NKAIN2: variants seen among roughly 807,000 people sequenced by gnomAD.
The protein encoded by NKAIN2 is sodium/potassium transporting ATPase interacting 2.
NKAIN2 carries 14 observed loss-of-function variants against 32.6 expected under a neutral mutation model. The observed-to-expected ratio is 0.43, with a 90% CI of 0.28 to 0.67. NKAIN2 has a LOEUF of 0.67. Ranked by LOEUF, NKAIN2 falls within the 30% of genes least tolerant of loss-of-function variation. NKAIN2 has a pLI of 0.17. For synonymous variants in NKAIN2, 80 were observed against 87.2 expected (o/e 0.92, Z 0.46); for missense variants, 198 against 258.3 (o/e 0.77, Z 1.60).
intron 1 of NKAIN2, among the ~76,000 whole-genome samples, chr6:124,245,779 A>G (rs1793363930): frequency 6.6e-6 from 1 of 152,070 alleles, no homozygotes; most frequent in Non-Finnish European, 1.5e-5. Flanking sequence ...GTTATCTTTC[A>G]CATGCATCAC....
chr6:123,941,872 CT>C (rs199561062), intron 1 of NKAIN2, among the ~76,000 whole-genome samples: 1 of 151,688 alleles, frequency 6.6e-6, no homozygotes, highest in African/African-American at 2.4e-5. Context: ...TGTGCCACCT[CT>C]TTTTTTTACC....
chr6:124,695,030 C>CTCCACT (rs1340564456), intron 4 of NKAIN2, among the ~76,000 whole-genome samples: 2 of 152,060 alleles, frequency 1.3e-5, no homozygotes, highest in Non-Finnish European at 2.9e-5. Flanking sequence ...CTTAAACCAT[C>CTCCACT]TCCTCTTCCT....
At chr6:124,512,245 C>A (rs998276902) in intron 3 of NKAIN2, among the ~76,000 whole-genome samples, 4 of 152,128 alleles carry the variant, frequency 2.6e-5, no homozygotes, top group African/African-American at 9.7e-5. Flanking sequence ...CACAATGGCA[C>A]CCAAATACAC....
At chr6:123,843,345 GAAGATAAT>G (rs1774955310) in intron 1 of NKAIN2, among the ~76,000 whole-genome samples, 2 of 152,152 alleles carry the variant, frequency 1.3e-5, no homozygotes, top group African/African-American at 4.8e-5. Context: ...GATGGAGCAA[GAAGATAAT>G]CTTCCCCTGG....
intron 3 of NKAIN2, among the ~76,000 whole-genome samples, chr6:124,465,953 C>A (rs773358875): frequency 2.6e-5 from 4 of 151,886 alleles, no homozygotes; most frequent in Non-Finnish European, 5.9e-5. Flanking sequence ...ATATTTTATC[C>A]CCTTTCCACT....
At chr6:124,699,476 C>T (rs1281950466) in intron 4 of NKAIN2, among the ~76,000 whole-genome samples, 1 of 152,144 alleles carries the variant, frequency 6.6e-6, no homozygotes, top group African/African-American at 2.4e-5. Context: ...TTGTAATCCC[C>T]AGTGTTGGAG....
chr6:124,810,119 C>A (rs1010676584), intron 5 of NKAIN2, among the ~76,000 whole-genome samples: 1 of 152,056 alleles, frequency 6.6e-6, no homozygotes. Context: ...TTGACCCAGC[C>A]ATCCCATTAC....
At chr6:124,383,339 G>T (rs1475840042) in intron 3 of NKAIN2, among the ~76,000 whole-genome samples, 1 of 152,082 alleles carries the variant, frequency 6.6e-6, no homozygotes, top group African/African-American at 2.4e-5. Flanking sequence ...CTGGAAACAG[G>T]GTGATCTTTC....
At chr6:124,075,873 G>A (rs1783675296) in intron 1 of NKAIN2, among the ~76,000 whole-genome samples, 1 of 152,216 alleles carries the variant, frequency 6.6e-6, no homozygotes. Flanking sequence ...TGTGATTACA[G>A]GCATGAGCCA....
chr6:124,530,808 A>T, intron 3 of NKAIN2, among the ~76,000 whole-genome samples: 1 of 152,298 alleles, frequency 6.6e-6, no homozygotes, highest in East Asian at 1.9e-4. Context: ...TAATTTTTAG[A>T]GTCCAAAGCT....
At chr6:123,960,673 C>T (rs760697390) in intron 1 of NKAIN2, among the ~76,000 whole-genome samples, 124 of 151,654 alleles carry the variant, frequency 8.2e-4, no homozygotes, top group Non-Finnish European at 5.2e-4. Flanking sequence ...CAGGCACTAA[C>T]GTGTATTTAT....
intron 1 of NKAIN2, among the ~76,000 whole-genome samples, chr6:124,168,713 A>G (rs971999668): frequency 2.0e-5 from 3 of 152,120 alleles, no homozygotes; most frequent in Non-Finnish European, 4.4e-5. Flanking sequence ...CCAACATATT[A>G]TCTTGAAAGG....
chr6:124,452,001 C>T (rs62437469), intron 3 of NKAIN2, among the ~76,000 whole-genome samples: 6,926 of 152,004 alleles, frequency 0.046, 267 homozygotes, highest in Non-Finnish European at 0.066. Context: ...TTGAGACCAG[C>T]CTGGGAGGCA....
At chr6:124,321,026 G>C (rs1219853997) in intron 2 of NKAIN2, among the ~76,000 whole-genome samples, 1 of 152,128 alleles carries the variant, frequency 6.6e-6, no homozygotes, top group African/African-American at 2.4e-5. Context: ...CATCTCAAAG[G>C]CTGTAGCACC....
Position 124,314,027 on chromosome 6 carries a change from G to T in NKAIN2, c.192+30885G>T, listed in dbSNP as rs1220410009. 2.0e-5 allele frequency among the ~76,000 whole-genome samples: 3 copies of T among 152,216 alleles called. No homozygotes were observed. The East Asian group carries it at 5.8e-4, about 30-fold the overall frequency. On this transcript the variant is annotated intron_variant, in intron 2 of 6. Coordinates refer to ENST00000368417, the MANE Select transcript of NKAIN2 (RefSeq NM_001040214.3). ...GGAAAAGGGCACAAACTAGGTTAAG[G>T]CTGAAGGTCCACACCTTTCAGTTTT...
chr6:124,469,573 G>A (rs998709070), intron 3 of NKAIN2, among the ~76,000 whole-genome samples: 3 of 152,250 alleles, frequency 2.0e-5, no homozygotes, highest in Admixed American at 1.3e-4. Flanking sequence ...TTTTGCTAAT[G>A]TAAACAACAA....
chr6:124,814,014 G>C (rs1325712424), intron 5 of NKAIN2, among the ~76,000 whole-genome samples: 1 of 152,114 alleles, frequency 6.6e-6, no homozygotes, highest in Non-Finnish European at 1.5e-5. Flanking sequence ...GAAAAAGATG[G>C]TATTATGGGT....
chr6:124,336,962 C>A (rs1797903194), intron 2 of NKAIN2, among the ~76,000 whole-genome samples: 1 of 152,160 alleles, frequency 6.6e-6, no homozygotes, highest in Admixed American at 6.6e-5. Flanking sequence ...TGAGCCACAG[C>A]ACCTGGCCTG....
chr6:124,482,793 T>G (rs1777502258), intron 3 of NKAIN2, among the ~76,000 whole-genome samples: 1 of 152,204 alleles, frequency 6.6e-6, no homozygotes, highest in African/African-American at 2.4e-5. Flanking sequence ...TTCATGCTAT[T>G]TATTTTACAT....
Sources: allele counts gnomAD v4.1 joint callset (sites outside exome capture counted in the v4.1 genomes callset), GRCh38; gene constraint gnomAD v4.1.1; transcripts MANE v1.5; gene names NCBI Gene and HGNC (gene_info 2026-07-23, HGNC 2026-07-21).